The following SUGCT variants were observed in gnomAD, a reference collection of about 807,000 sequenced individuals.
The protein encoded by SUGCT is succinyl-CoA:glutarate-CoA transferase.
In SUGCT, 41 loss-of-function variants were observed where a neutral mutation model predicts 55.0. That is an observed-to-expected ratio of 0.74 (90% CI 0.58 to 0.97). SUGCT has a LOEUF of 0.97. Among genes scored for constraint, SUGCT ranks in the 50% least tolerant of loss-of-function variants. The pLI is 0.00. For missense variants in SUGCT, 568 were observed against 547.8 expected (o/e 1.04, Z -0.37); for synonymous variants, 187 against 200.4 (o/e 0.93, Z 0.56).
intron 12 of SUGCT, among the ~76,000 whole-genome samples, chr7:40,502,684 C>T (rs891370073): frequency 6.6e-6 from 1 of 152,082 alleles, no homozygotes; most frequent in Non-Finnish European, 1.5e-5. Flanking sequence ...AGACTAGTCT[C>T]ATTTCATGTA....
the SUGCT span, among the ~76,000 whole-genome samples, chr7:40,907,428 A>G: frequency 2.0e-5 from 3 of 152,068 alleles, no homozygotes; most frequent in Non-Finnish European, 4.4e-5. Flanking sequence ...GTATAATAAT[A>G]CTCGTTTAAT....
At chr7:40,743,323 T>A (rs933386396) in intron 12 of SUGCT, among the ~76,000 whole-genome samples, 1 of 152,090 alleles carries the variant, frequency 6.6e-6, no homozygotes, top group Non-Finnish European at 1.5e-5. Context: ...ATAAGAGCAC[T>A]CTCCCCCAAC....
chr7:40,768,572 T>C (rs1788925417), intron 13 of SUGCT, among the ~76,000 whole-genome samples: 1 of 151,692 alleles, frequency 6.6e-6, no homozygotes. Flanking sequence ...CATTTCTAGG[T>C]AGAATTATGT....
intron 11 of SUGCT, among the ~76,000 whole-genome samples, chr7:40,463,965 C>T (rs184003857): frequency 1.3e-5 from 2 of 152,270 alleles, no homozygotes; most frequent in Admixed American, 6.5e-5. Context: ...GAGCAACAAA[C>T]TCTTAAACCT....
chr7:40,579,126 CT>C (rs892604141), intron 12 of SUGCT, among the ~76,000 whole-genome samples: 29 of 147,014 alleles, frequency 2.0e-4, no homozygotes, highest in Middle Eastern at 3.5e-3. Flanking sequence ...TGGACTACTT[CT>C]TTTTTTTTTT....
Position 40,180,987 on chromosome 7 carries a change from G to C in SUGCT, c.141G>C (p.Leu47=). The C allele has an allele frequency of 6.2e-7, 1 of 1,609,422 alleles. No individual in the cohort carries two copies. The highest frequency in any genetic ancestry group is 8.5e-7 in the Non-Finnish European group (1 of 1,176,272). The change falls in exon 2 of 14, where the codon CTG becomes CTC. Residue 47 remains leucine (L), a synonymous_variant. Transcript: ENST00000335693. ...NIKPLEGVKI[L]DLTRVLAGPF... ...AGCCATTGGAAGGGGTAAAAATTCT[G>C]GATCTAACAAGGTTTGTATTGGTTT...
intron 12 of SUGCT, among the ~76,000 whole-genome samples, chr7:40,508,956 C>T (rs924403978): frequency 1.3e-5 from 2 of 152,072 alleles, no homozygotes; most frequent in African/African-American, 4.8e-5. Context: ...CTTGCCCTGA[C>T]CTTGCTAGCT....
At chr7:40,830,896 T>G (rs1322980566) in intron 13 of SUGCT, among the ~76,000 whole-genome samples, 8 of 152,138 alleles carry the variant, frequency 5.3e-5, no homozygotes, top group Admixed American at 6.5e-5. Flanking sequence ...TGTACCACCT[T>G]GCATCTCTCA....
chr7:40,728,327 T>C (rs924346084), intron 12 of SUGCT, among the ~76,000 whole-genome samples: 1 of 152,144 alleles, frequency 6.6e-6, no homozygotes, highest in Non-Finnish European at 1.5e-5. Context: ...GAGACCAGCC[T>C]GGCCAACATG....
At chr7:40,930,565 CT>C in the SUGCT span, among the ~76,000 whole-genome samples, 1 of 152,058 alleles carries the variant, frequency 6.6e-6, no homozygotes, top group African/African-American at 2.4e-5. Context: ...ATGGAGTGTT[CT>C]TCCATTTGTT....
At chr7:40,751,855 A>G (rs1487066420) in intron 13 of SUGCT, among the ~76,000 whole-genome samples, 3 of 152,212 alleles carry the variant, frequency 2.0e-5, no homozygotes, top group African/African-American at 7.2e-5. Flanking sequence ...GTGGCCAACC[A>G]AGAATGAACT....
intron 8 of SUGCT, among the ~76,000 whole-genome samples, chr7:40,275,382 A>G (rs192512022): frequency 7.2e-4 from 110 of 152,342 alleles, no homozygotes; most frequent in African/African-American, 2.5e-3. Context: ...AGGATTACAA[A>G]GGAAGCTGGT....
intron 12 of SUGCT, among the ~76,000 whole-genome samples, chr7:40,719,790 C>T (rs1786221725): frequency 6.6e-6 from 1 of 152,012 alleles, no homozygotes; most frequent in Non-Finnish European, 1.5e-5. Context: ...AGGCAGAGCA[C>T]ACACAATTCT....
chr7:40,402,076 A>G (rs1220361991), intron 9 of SUGCT, among the ~76,000 whole-genome samples: 2 of 152,202 alleles, frequency 1.3e-5, no homozygotes, highest in Non-Finnish European at 2.9e-5. Context: ...TTTATGTGCC[A>G]GGTACTATTC....
chr7:40,652,782 A>G (rs73310244), intron 12 of SUGCT, among the ~76,000 whole-genome samples: 10,654 of 152,258 alleles, frequency 0.07, 430 homozygotes, highest in Middle Eastern at 0.11. Context: ...TCTGTTTGCT[A>G]CAGTGCTGCC....
intron 7 of SUGCT, among the ~76,000 whole-genome samples, chr7:40,266,118 G>C (rs1273835295): frequency 6.9e-6 from 1 of 145,980 alleles, no homozygotes; most frequent in East Asian, 2.0e-4. Flanking sequence ...GGAATTTCAG[G>C]TTTTACTTTT....
intron 12 of SUGCT, among the ~76,000 whole-genome samples, chr7:40,674,006 G>A (rs1307412637): frequency 6.6e-6 from 1 of 152,044 alleles, no homozygotes; most frequent in Admixed American, 6.6e-5. Flanking sequence ...AAGAAAACTA[G>A]CCACAGACTT....
chr7:40,364,183 C>T (rs1051062349), intron 9 of SUGCT, among the ~76,000 whole-genome samples: 1 of 152,108 alleles, frequency 6.6e-6, no homozygotes, highest in African/African-American at 2.4e-5. Context: ...CTTCCTACAT[C>T]CTTTTATTTT....
intron 12 of SUGCT, among the ~76,000 whole-genome samples, chr7:40,541,497 T>G (rs1262835160): frequency 6.6e-6 from 1 of 152,178 alleles, no homozygotes; most frequent in East Asian, 1.9e-4. Flanking sequence ...AGTAGTTGAT[T>G]GTCAAAAGTG....
Sources: allele counts gnomAD v4.1 joint callset (sites outside exome capture counted in the v4.1 genomes callset), GRCh38; gene constraint gnomAD v4.1.1; transcripts MANE v1.5; gene names NCBI Gene and HGNC (gene_info 2026-07-23, HGNC 2026-07-21).